Variants in SHANK2 observed in about 807,000 individuals in gnomAD.
The protein encoded by SHANK2 is SH3 and multiple ankyrin repeat domains 2.
A neutral mutation model predicts 133.7 loss-of-function variants in SHANK2; 43 were observed. That is an observed-to-expected ratio of 0.32 (90% CI 0.25 to 0.41). The LOEUF (loss-of-function observed/expected upper bound fraction) is 0.41, where lower values mean the gene tolerates loss of function less well. Ranked by LOEUF, SHANK2 falls within the 10% of genes least tolerant of loss-of-function variation. The pLI, the probability that SHANK2 is intolerant of heterozygous loss-of-function variation, is 1.00. For missense variants in SHANK2, 1,994 were observed against 2,235.8 expected (o/e 0.89, Z 2.18); for synonymous variants, 1,017 against 952.8 (o/e 1.07, Z -1.24).
At chr11:70,659,514 A>G (rs2061453274) in intron 17 of SHANK2, among the ~76,000 whole-genome samples, 1 of 152,148 alleles carries the variant, frequency 6.6e-6, no homozygotes. Flanking sequence ...AACCACCCAC[A>G]GGTCTGCACA....
chr11:70,817,729 T>C lies in SHANK2; in HGVS notation c.1493+2635A>G, dbSNP rs550291259. On this transcript the variant is annotated intron_variant, in intron 12 of 25. Transcript: ENST00000601538. ...AGCTGATCTTGAGAAAAACCTGAAG[T>C]TGGTCTTTCTGGGACCCTTTTTTGA... Among the ~76,000 whole-genome samples, 5 of 152,302 alleles carry C rather than the reference T, an allele frequency of 3.3e-5. No homozygotes were observed. The East Asian group carries it at 7.7e-4, about 24-fold the overall frequency.
At chr11:70,722,492 T>C (rs1317004066) in intron 14 of SHANK2, among the ~76,000 whole-genome samples, 1 of 152,242 alleles carries the variant, frequency 6.6e-6, no homozygotes, top group Non-Finnish European at 1.5e-5. Context: ...CTGTTTGAAA[T>C]ACCTACATAG....
intron 14 of SHANK2, among the ~76,000 whole-genome samples, chr11:70,765,462 C>A (rs1350172584): frequency 6.6e-6 from 1 of 152,206 alleles, no homozygotes; most frequent in African/African-American, 2.4e-5. Flanking sequence ...ATACAGACAA[C>A]ACCAGAGAAA....
intron 14 of SHANK2, among the ~76,000 whole-genome samples, chr11:70,744,304 T>A (rs1048901628): frequency 6.6e-6 from 1 of 152,188 alleles, no homozygotes; most frequent in African/African-American, 2.4e-5. Flanking sequence ...GGTCTTTCCA[T>A]GACTGCAGTA....
intron 2 of SHANK2, among the ~76,000 whole-genome samples, chr11:71,169,918 A>G (rs1227686898): frequency 1.3e-5 from 2 of 152,198 alleles, no homozygotes; most frequent in Non-Finnish European, 2.9e-5. Flanking sequence ...AATCATTTAG[A>G]TTAAAATTTT....
At chr11:70,888,534 G>A (rs1432283196) in intron 11 of SHANK2, among the ~76,000 whole-genome samples, 3 of 152,208 alleles carry the variant, frequency 2.0e-5, no homozygotes, top group African/African-American at 7.2e-5. Context: ...AGAGAGTAGG[G>A]CCGAGCGCGG....
intron 15 of SHANK2, among the ~76,000 whole-genome samples, chr11:70,673,046 A>G (rs555094526): frequency 5.9e-5 from 9 of 152,174 alleles, no homozygotes; most frequent in Non-Finnish European, 1.3e-4. Flanking sequence ...GGGACCTCCT[A>G]TGTGGTCTTT....
rs1036457315 is a variant in SHANK2, at chr11:71,093,066, G to A, written c.745-477C>T. Among the ~76,000 whole-genome samples the A allele has an allele frequency of 6.6e-4, 93 of 141,296 alleles. 2 individuals carry two copies. Among genetic ancestry groups the A allele is most frequent in the African/African-American group, 2.4e-3 (91 of 38,702 alleles). 92.7% of individuals were successfully genotyped at this position (141,296 alleles called of 152,430 possible). A position where few individuals can be genotyped will look rare whatever the true frequency, so the allele number is the denominator to read the frequency against. Reference sequence around the variant, plus strand: ...TCAAAAATAAAGGGGGGGGGGGGCAGGTATAACTTTAGACAACTACATTTC... The same window carrying A: ...TCAAAAATAAAGGGGGGGGGGGGCAAGTATAACTTTAGACAACTACATTTC... On this transcript the variant is annotated intron_variant, in intron 7 of 25. Transcript: ENST00000601538.
chr11:70,625,566 G>C (rs2060893289), intron 17 of SHANK2, among the ~76,000 whole-genome samples: 1 of 152,044 alleles, frequency 6.6e-6, no homozygotes, highest in African/African-American at 2.4e-5. Context: ...CTCTCTCTTT[G>C]GATCAAGTTG....
At position 70,626,511 on chromosome 11, in the gene SHANK2, C is replaced by T. The variant is rs557699537; in HGVS notation, c.2061+33317G>A. On this transcript the variant is annotated intron_variant, in intron 17 of 25. Transcript: ENST00000601538. ...AGGTGGCAAGCTTTACGCCACAAAG[C>T]CCATTGGACTGCAGGAAACAGGAAA... Among the ~76,000 whole-genome samples the T allele has an allele frequency of 9.8e-5, 15 of 152,288 alleles. No homozygotes were observed. In the South Asian group the frequency reaches 1.0e-3, roughly 11 times the overall value.
At chr11:70,599,895 AAG>A (rs1191860711) in intron 17 of SHANK2, among the ~76,000 whole-genome samples, 11 of 101,222 alleles carry the variant, frequency 1.1e-4, no homozygotes, top group African/African-American at 3.7e-4. Context: ...AAGAAAAAGA[AAG>A]AAAGAAAGAG....
chr11:71,189,845 G>A (rs570827283), intron 2 of SHANK2, among the ~76,000 whole-genome samples: 62 of 152,366 alleles, frequency 4.1e-4, no homozygotes, highest in Admixed American at 3.7e-3. Context: ...GGGAAAGGCC[G>A]CAGCTGAGGC....
intron 2 of SHANK2, among the ~76,000 whole-genome samples, chr11:71,220,188 C>T (rs12286614): frequency 0.36 from 54,016 of 151,972 alleles, 9,780 homozygotes; most frequent in Middle Eastern, 0.47. Flanking sequence ...GTAAGCCTTA[C>T]TGTGCCACTG....
chr11:70,744,621 C>A (rs1946600674), intron 14 of SHANK2, among the ~76,000 whole-genome samples: 2 of 152,328 alleles, frequency 1.3e-5, no homozygotes, highest in East Asian at 1.9e-4. Context: ...GCTTCCACTG[C>A]CCACCTGGCT....
chr11:70,944,108 G>A (rs1048159539), intron 10 of SHANK2, among the ~76,000 whole-genome samples: 2 of 152,190 alleles, frequency 1.3e-5, no homozygotes, highest in African/African-American at 4.8e-5. Context: ...TATTTCCCTC[G>A]AGTATATAAC....
intron 11 of SHANK2, chr11:70,896,294 C>T: frequency 2.0e-6 from 1 of 506,842 alleles, no homozygotes; most frequent in Non-Finnish European, 3.5e-6. Context: ...GACAGCCTAA[C>T]CTCTAAGGTC....
At chr11:71,118,713 G>A in intron 4 of SHANK2, 116 bp downstream of exon 4, 2 of 905,948 alleles carry the variant, frequency 2.2e-6, no homozygotes, top group Admixed American at 3.0e-5. Context: ...TAAATGTGGG[G>A]ATAATTTCCC....
At chr11:70,875,231 A>G (rs1949538958) in intron 11 of SHANK2, among the ~76,000 whole-genome samples, 3 of 152,148 alleles carry the variant, frequency 2.0e-5, no homozygotes, top group Non-Finnish European at 4.4e-5. Flanking sequence ...GAAGCAATAG[A>G]AGTGCCCTCC....
chr11:70,573,565 C>T (rs1420252114), intron 17 of SHANK2, among the ~76,000 whole-genome samples: 1 of 142,978 alleles, frequency 7.0e-6, no homozygotes, highest in Admixed American at 7.1e-5. Context: ...GGGGGTGGGG[C>T]ATGGCATTTG....
Sources: allele counts gnomAD v4.1 joint callset (sites outside exome capture counted in the v4.1 genomes callset), GRCh38; gene constraint gnomAD v4.1.1; transcripts MANE v1.5; gene names NCBI Gene and HGNC (gene_info 2026-07-23, HGNC 2026-07-21).